Variants in TSHZ2 observed in about 807,000 individuals in gnomAD.
TSHZ2 encodes teashirt zinc finger homeobox 2.
Under a neutral mutation model 74.4 loss-of-function variants are expected in TSHZ2, and 21 were observed. That is an observed-to-expected ratio of 0.28 (90% CI 0.20 to 0.41). The LOEUF (loss-of-function observed/expected upper bound fraction) is 0.41, where lower values mean the gene tolerates loss of function less well. TSHZ2 is among the 10% of genes least tolerant of loss of function. The pLI, the probability that TSHZ2 is intolerant of heterozygous loss-of-function variation, is 1.00. For missense variants in TSHZ2, 1,244 were observed against 1,293.5 expected (o/e 0.96, Z 0.59); for synonymous variants, 540 against 515.3 (o/e 1.05, Z -0.65).
At chr20:53,308,425 G>A (rs1387690655) in intron 2 of TSHZ2, among the ~76,000 whole-genome samples, 1 of 152,146 alleles carries the variant, frequency 6.6e-6, no homozygotes, top group Non-Finnish European at 1.5e-5. Flanking sequence ...ATGGGGGAAA[G>A]CAGGGCGTCT....
At chr20:53,216,138 T>TG (rs753729713) in intron 1 of TSHZ2, among the ~76,000 whole-genome samples, 2 of 152,038 alleles carry the variant, frequency 1.3e-5, no homozygotes, top group Non-Finnish European at 2.9e-5. Context: ...TAGAAAACAG[T>TG]GGGGGGCCAG....
intron 1 of TSHZ2, among the ~76,000 whole-genome samples, chr20:53,173,821 G>C (rs1988259907): frequency 6.6e-6 from 1 of 152,152 alleles, no homozygotes; most frequent in Non-Finnish European, 1.5e-5. Context: ...GTGATGATTT[G>C]GGGGTTGGGG....
At chr20:53,392,681 A>G (rs1040694932) in intron 2 of TSHZ2, among the ~76,000 whole-genome samples, 6 of 152,084 alleles carry the variant, frequency 3.9e-5, no homozygotes, top group African/African-American at 1.2e-4. Context: ...TCTTTTTAGC[A>G]TTGTATTCAT....
chr20:53,179,461 G>A (rs1281343034), intron 1 of TSHZ2: 1 of 152,190 alleles, frequency 6.6e-6, no homozygotes, highest in African/African-American at 2.4e-5. Flanking sequence ...TCAGTGCTAG[G>A]ATGCCAAAGG....
At chr20:53,237,104 G>T (rs1989959215) in intron 1 of TSHZ2, among the ~76,000 whole-genome samples, 1 of 152,166 alleles carries the variant, frequency 6.6e-6, no homozygotes, top group Non-Finnish European at 1.5e-5. Flanking sequence ...TGGGAGTGTT[G>T]TGAGACTGAT....
chr20:53,002,275 C>T (rs1048859070), intron 1 of TSHZ2, among the ~76,000 whole-genome samples: 1 of 152,216 alleles, frequency 6.6e-6, no homozygotes, highest in African/African-American at 2.4e-5. Flanking sequence ...GCTGATCTAC[C>T]TAGCCAGGGG....
At chr20:53,193,404 G>A (rs2123551082) in intron 1 of TSHZ2, among the ~76,000 whole-genome samples, 1 of 152,280 alleles carries the variant, frequency 6.6e-6, no homozygotes, top group South Asian at 2.1e-4. Flanking sequence ...TCTGCACCCA[G>A]GCAGTGGCTG....
At chr20:53,239,802 CA>C (rs1421548429) in intron 1 of TSHZ2, among the ~76,000 whole-genome samples, 2 of 151,864 alleles carry the variant, frequency 1.3e-5, no homozygotes, top group Non-Finnish European at 2.9e-5. Flanking sequence ...ATATATACAC[CA>C]AGGAACGAAA....
chr20:53,298,301 A>G (rs1365390911), intron 2 of TSHZ2, among the ~76,000 whole-genome samples: 1 of 152,208 alleles, frequency 6.6e-6, no homozygotes, highest in Non-Finnish European at 1.5e-5. Context: ...ACAAAAATAA[A>G]CACAAAATAA....
At chr20:53,213,777 A>G (rs933597940) in intron 1 of TSHZ2, among the ~76,000 whole-genome samples, 18 of 152,026 alleles carry the variant, frequency 1.2e-4, no homozygotes, top group African/African-American at 1.9e-4. Flanking sequence ...TGAGATTTGA[A>G]TAGTACCTTT....
chr20:53,362,501 C>T (rs887851233), intron 2 of TSHZ2, among the ~76,000 whole-genome samples: 1 of 152,130 alleles, frequency 6.6e-6, no homozygotes. Flanking sequence ...TTTTTATATG[C>T]TCTGAACTGT....
chr20:53,143,103 T>C (rs530456484), intron 1 of TSHZ2, among the ~76,000 whole-genome samples: 16 of 152,342 alleles, frequency 1.1e-4, no homozygotes, highest in African/African-American at 2.6e-4. Flanking sequence ...ATGAGGCATA[T>C]GTAAATACTA....
intron 1 of TSHZ2, among the ~76,000 whole-genome samples, chr20:53,235,138 G>C (rs1449206662): frequency 1.0e-4 from 3 of 28,710 alleles, no homozygotes; most frequent in South Asian, 1.2e-3. Context: ...TGGGCGGGGC[G>C]GGGGGGGGGG....
chr20:52,998,271 C>T (rs573426417), intron 1 of TSHZ2, among the ~76,000 whole-genome samples: 77 of 152,256 alleles, frequency 5.1e-4, no homozygotes, highest in African/African-American at 1.7e-3. Context: ...CAGGTTCAAG[C>T]GATTCTCCTG....
intron 1 of TSHZ2, among the ~76,000 whole-genome samples, chr20:53,072,999 C>T (rs1169427539): frequency 2.8e-5 from 4 of 140,920 alleles, no homozygotes; most frequent in South Asian, 2.4e-4. Context: ...TCATCCATCC[C>T]TCCCTCCATC....
chr20:53,391,156 G>GTTTTGTTTTGT (rs752934627), intron 2 of TSHZ2, among the ~76,000 whole-genome samples: 52 of 63,042 alleles, frequency 8.2e-4, no homozygotes, highest in African/African-American at 2.7e-3. Flanking sequence ...TTTTGTTTTG[G>GTTTTGTTTTGT]TTTGGTTTGA....
Position 53,019,430 on chromosome 20 carries a change from C to A in TSHZ2, c.40+46097C>A, listed in dbSNP as rs568507475. On this transcript the variant is annotated intron_variant, in intron 1 of 2. Transcript: ENST00000371497. ...ACCACTCCCACTGTGACTGCTGGGA[C>A]AAGGCTCAAACTTCTGAAACTCTGT... Among the ~76,000 whole-genome samples the A allele has an allele frequency of 1.1e-4, 17 of 152,160 alleles. No homozygotes were observed. In the South Asian group the frequency reaches 3.5e-3, roughly 32 times the overall value.
chr20:53,306,885 A>G (rs922868152), intron 2 of TSHZ2, among the ~76,000 whole-genome samples: 1 of 152,226 alleles, frequency 6.6e-6, no homozygotes, highest in Admixed American at 6.5e-5. Flanking sequence ...AATAGCTGCC[A>G]TTAGTTGGAC....
intron 1 of TSHZ2, among the ~76,000 whole-genome samples, chr20:53,191,343 C>G (rs970127827): frequency 1.3e-5 from 2 of 152,170 alleles, no homozygotes; most frequent in African/African-American, 4.8e-5. Context: ...ATATCCATTA[C>G]ATAACATTCA....
Sources: allele counts gnomAD v4.1 joint callset (sites outside exome capture counted in the v4.1 genomes callset), GRCh38; gene constraint gnomAD v4.1.1; transcripts MANE v1.5; gene names NCBI Gene and HGNC (gene_info 2026-07-23, HGNC 2026-07-21).